B4GALNT2: variants seen among roughly 807,000 people sequenced by gnomAD.
B4GALNT2 encodes N-acetylneuraminylgalactosylglucosyl-glucoside beta-1,4-N- acetylgalactosaminyltransferase 2.
In B4GALNT2, 42 loss-of-function variants were observed where a neutral mutation model predicts 51.1. The observed-to-expected ratio is 0.82, with a 90% CI of 0.64 to 1.06. The LOEUF (loss-of-function observed/expected upper bound fraction) is 1.06, where lower values mean the gene tolerates loss of function less well. Among genes scored for constraint, B4GALNT2 ranks in the 50% least tolerant of loss-of-function variants. The probability of loss-of-function intolerance (pLI) is 0.00; values close to 1 mark genes in which losing one functional copy is unlikely to be tolerated. For missense variants in B4GALNT2, 602 were observed against 633.6 expected, an observed-to-expected ratio of 0.95 and a Z score of 0.54; for synonymous variants, 253 against 251.7, an observed-to-expected ratio of 1.01 and a Z score of -0.05.
chr17:49,167,913 C>G (rs1295991195), intron 9 of B4GALNT2, among the ~76,000 whole-genome samples: 1 of 152,050 alleles, frequency 6.6e-6, no homozygotes, highest in African/African-American at 2.4e-5. Flanking sequence ...CCCAGCCTAA[C>G]CCTCAACCAC....
intron 1 of B4GALNT2, among the ~76,000 whole-genome samples, chr17:49,137,223 T>G (rs1038066954): frequency 6.6e-6 from 1 of 152,236 alleles, no homozygotes; most frequent in Non-Finnish European, 1.5e-5. Flanking sequence ...GGTTTGAATG[T>G]GCCCCTCAGA....
At chr17:49,162,912 C>CAAAAAAAAAAAAAAAAA (rs34568226) in intron 7 of B4GALNT2, among the ~76,000 whole-genome samples, 1 of 53,622 alleles carries the variant, frequency 1.9e-5, no homozygotes, top group Non-Finnish European at 3.1e-5. Flanking sequence ...GAAACTGTCT[C>CAAAAAAAAAAAAAAAAA]AAAAAAAAAA....
upstream of B4GALNT2, among the ~76,000 whole-genome samples, chr17:49,131,589 G>A (rs143115626): frequency 1.3e-3 from 201 of 151,198 alleles, 1 homozygote; most frequent in Non-Finnish European, 2.2e-3. Context: ...TGCAACCTCT[G>A]CCACCTGGGT....
intron 4 of B4GALNT2, among the ~76,000 whole-genome samples, chr17:49,154,037 G>GCT (rs61156392): frequency 0.18 from 27,688 of 149,752 alleles, 3,103 homozygotes; most frequent in South Asian, 0.3. Context: ...ACGGAGTCTT[G>GCT]CTGTCACCCA....
At chr17:49,139,579 C>T (rs1057224451) in intron 1 of B4GALNT2, among the ~76,000 whole-genome samples, 5 of 152,102 alleles carry the variant, frequency 3.3e-5, no homozygotes, top group East Asian at 1.9e-4. Context: ...TGCAGTAGTG[C>T]GATCATAGCT....
At chr17:49,150,601 TCCTGTTGA>T (rs2042743696) in intron 3 of B4GALNT2, among the ~76,000 whole-genome samples, 2 of 151,596 alleles carry the variant, frequency 1.3e-5, no homozygotes, top group South Asian at 2.1e-4. Flanking sequence ...TGCCTTGGGA[TCCTGTTGA>T]TCTGTGACCT....
chr17:49,144,682 C>G (rs1192931448), intron 3 of B4GALNT2, among the ~76,000 whole-genome samples: 1 of 152,130 alleles, frequency 6.6e-6, no homozygotes, highest in Non-Finnish European at 1.5e-5. Context: ...GGCAGATCAC[C>G]TGAGGTCAGG....
At chr17:49,135,087 A>C (rs2042578058) in intron 1 of B4GALNT2, among the ~76,000 whole-genome samples, 1 of 152,180 alleles carries the variant, frequency 6.6e-6, no homozygotes, top group South Asian at 2.1e-4. Flanking sequence ...CACAAAATGG[A>C]TTAAGACAGT....
rs1245373026 is a variant in B4GALNT2, at chr17:49,152,850, T to G, written c.404T>G (p.Phe135Cys). 4 of 1,611,342 alleles carry G rather than the reference T, an allele frequency of 2.5e-6. No homozygotes were observed. The African/African-American group carries it at 5.3e-5, about 22-fold the overall frequency. The stretch of plus-strand genomic sequence containing the variant: ...CTGCTGGTCCAGCCCAACCTCCCCT[T>G]TGGGTACCCAGTCCACGGAGTGGAG... Reference protein sequence around the residue: ...LPLLVQPNLPFGYPVHGVEVM... With the variant: ...LPLLVQPNLPCGYPVHGVEVM... The change falls in exon 4 of 11, where the codon TTT becomes TGT. Residue 135 changes from phenylalanine (F) to cysteine (C), a missense_variant. Physicochemically the swap from Phe to Cys is radical, Grantham distance 205 (BLOSUM62 -2). Transcript: ENST00000393354.
chr17:49,125,550 C>T, the B4GALNT2 span, among the ~76,000 whole-genome samples: 9 of 152,140 alleles, frequency 5.9e-5, no homozygotes, highest in Admixed American at 3.3e-4. Flanking sequence ...CATTTAACTC[C>T]GTGTGTCGCC....
In B4GALNT2 at chr17:49,132,790, G is replaced by T; in HGVS notation, c.-3G>T. ...CGGCAGTCTGAGGGCGGCGGGATTCGGGATGACTTCGGGCGGGTGAGTGTC... is the reference window on the plus strand; with the variant it reads ...CGGCAGTCTGAGGGCGGCGGGATTCTGGATGACTTCGGGCGGGTGAGTGTC... On this transcript the variant is annotated 5_prime_UTR_variant, in exon 1 of 11. Transcript: ENST00000393354. The T allele has an allele frequency of 2.2e-6, 3 of 1,377,896 alleles. No homozygotes were observed. In the South Asian group the frequency reaches 5.4e-5, roughly 25 times the overall value. The allele number at this position is 1,377,896 out of a possible 1,614,324, so 85.4% of individuals were successfully genotyped here. A position where few individuals can be genotyped will look rare whatever the true frequency, so the allele number is the denominator to read the frequency against.
intron 4 of B4GALNT2, among the ~76,000 whole-genome samples, chr17:49,155,080 G>A (rs566278614): frequency 2.6e-5 from 4 of 151,630 alleles, no homozygotes; most frequent in South Asian, 2.1e-4. Flanking sequence ...GGGCTGAGGC[G>A]GATGGATCAC....
Position 49,164,223 on chromosome 17 carries a change from C to G in B4GALNT2, c.902C>G (p.Pro301Arg). ...ATAGTGGCTGATGACAGCCAGAAGCCCCTGGAAATTAAAGACAATCACGTG... is the reference window on the plus strand; with the variant it reads ...ATAGTGGCTGATGACAGCCAGAAGCGCCTGGAAATTAAAGACAATCACGTG... ...TVIVADDSQK[P>R]LEIKDNHVEY... The change falls in exon 8 of 11, where the codon CCC becomes CGC. Residue 301 changes from proline (P) to arginine (R), a missense_variant. Pro to Arg is a moderately radical substitution (Grantham distance 103). Coordinates refer to ENST00000393354, the MANE Select transcript of B4GALNT2 (RefSeq NM_001159387.2). The G allele has an allele frequency of 6.2e-7, 1 of 1,613,526 alleles. No individual in the cohort carries two copies. Among genetic ancestry groups the G allele is most frequent in the Non-Finnish European group, 8.5e-7 (1 of 1,179,504 alleles).
At position 49,173,655 on chromosome 17, in the gene B4GALNT2, A is replaced by G. The variant is rs897310399; in HGVS notation, c.*3927A>G. On this transcript the variant is annotated 3_prime_UTR_variant, in exon 11 of 11. Transcript: ENST00000393354. Reference sequence around the variant, plus strand: ...GAAGGACAATAATTTTTCCAGGACCATATCCATGTAATTTAACAATCTGAG... The same window carrying G: ...GAAGGACAATAATTTTTCCAGGACCGTATCCATGTAATTTAACAATCTGAG... 1.3e-5 allele frequency: 2 copies of G among 152,194 alleles called. No homozygotes were observed. The highest frequency in any genetic ancestry group is 1.5e-5 in the Non-Finnish European group (1 of 68,036). 9.4% of individuals were successfully genotyped at this position (152,194 alleles called of 1,614,324 possible). A position where few individuals can be genotyped will look rare whatever the true frequency, so the allele number is the denominator to read the frequency against.
intron 2 of B4GALNT2, 128 bp from the exon 3 acceptor site, chr17:49,141,907 C>G: frequency 8.0e-7 from 1 of 1,243,322 alleles, no homozygotes; most frequent in Non-Finnish European, 1.1e-6. Context: ...GTCTCATCAT[C>G]TCAGAACAGT....
rs113948200 is a variant in B4GALNT2, at chr17:49,170,562, CT to C, written c.*835del. On this transcript the variant is annotated 3_prime_UTR_variant, in exon 11 of 11. Coordinates refer to ENST00000393354, the MANE Select transcript of B4GALNT2 (RefSeq NM_001159387.2). ...GGGACCTGAGGCCAGTTGCTGGTCA[CT>C]CAAAACTCATGTCATTTACAGAGTG... 17,279 of 152,254 alleles carry C rather than the reference CT, an allele frequency of 0.11. 1,151 individuals are homozygous for C. Among genetic ancestry groups the C allele is most frequent in the South Asian group, 0.18 (891 of 4,826 alleles). The allele number at this position is 152,254 out of a possible 1,614,324, so 9.4% of individuals were successfully genotyped here.
In B4GALNT2 at chr17:49,171,692, C is replaced by T. The variant is rs2042958452; in HGVS notation, c.*1964C>T. The stretch of plus-strand genomic sequence containing the variant: ...AGCTGAACATAGTGTGGCTGTGGCA[C>T]ACAGACTGAGAGGTGTAATTTAAGC... On this transcript the variant is annotated 3_prime_UTR_variant, in exon 11 of 11. Transcript: ENST00000393354. 2.5e-6 allele frequency: 1 copy of T among 392,222 alleles called. No individual in the cohort carries two copies. The highest frequency in any genetic ancestry group is 4.9e-6 in the Non-Finnish European group (1 of 204,780). 24.3% of individuals were successfully genotyped at this position (392,222 alleles called of 1,614,324 possible).
rs766712464 is a variant in B4GALNT2, at chr17:49,169,611, C to T, written c.1404C>T (p.Asp468=). 113 of 1,613,182 alleles carry T rather than the reference C, an allele frequency of 7.0e-5. No homozygotes were observed. The Admixed American group carries it at 1.9e-3, about 27-fold the overall frequency. Residue 468 remains aspartate (D), a synonymous_variant, in exon 11 of 11, where the codon GAC becomes GAT. Transcript: ENST00000393354. ...ACCAGTCTCGGTCTCCAGTGGTGGACTCAGAACTGGCTGCCCTAGAGAAGA... is the reference window on the plus strand; with the variant it reads ...ACCAGTCTCGGTCTCCAGTGGTGGATTCAGAACTGGCTGCCCTAGAGAAGA... ...IGHQSRSPVV[D]SELAALEKTY... is the part of the protein sequence containing the mutation.
chr17:49,167,541 T>G (rs1205377234), intron 9 of B4GALNT2, among the ~76,000 whole-genome samples: 3 of 152,082 alleles, frequency 2.0e-5, no homozygotes, highest in African/African-American at 7.2e-5. Flanking sequence ...GTCTGGGCTT[T>G]TAGTGTACCC....
Sources: gnomAD v4.1 joint callset for allele counts (sites outside exome capture counted in the v4.1 genomes callset) on GRCh38, gnomAD v4.1.1 for gene constraint, MANE v1.5 for transcripts, NCBI Gene and HGNC (gene_info 2026-07-23, HGNC 2026-07-21) for gene names.